Variants in RTCB observed in about 807,000 individuals in gnomAD.
RTCB encodes RNA-splicing ligase RTCB.
In RTCB, 32 loss-of-function variants were observed where a neutral mutation model predicts 58.2. The ratio of observed to expected loss-of-function variants is 0.55; its 90% CI spans 0.41 to 0.74. The LOEUF (loss-of-function observed/expected upper bound fraction) is 0.74, where lower values mean the gene tolerates loss of function less well. RTCB is among the 30% of genes least tolerant of loss of function. RTCB has a pLI of 0.00. For synonymous variants in RTCB, 247 were observed against 218.6 expected (o/e 1.13, Z -1.15); for missense variants, 523 against 639.0 (o/e 0.82, Z 1.96).
intron 11 of RTCB, among the ~76,000 whole-genome samples, chr22:32,389,463 G>A (rs1933115792): frequency 6.6e-6 from 1 of 152,144 alleles, no homozygotes. Flanking sequence ...CTACAGGCAT[G>A]TGCCACTGTG....
chr22:32,408,683 T>C, intron 2 of RTCB, 72 bp downstream of exon 2: 1 of 1,083,840 alleles, frequency 9.2e-7, no homozygotes, highest in Non-Finnish European at 1.4e-6. Flanking sequence ...TATAATTATT[T>C]GAGTTGCCAC....
At chr22:32,409,710 C>T (rs373154949) in intron 1 of RTCB, among the ~76,000 whole-genome samples, 2 of 152,106 alleles carry the variant, frequency 1.3e-5, no homozygotes, top group Admixed American at 6.6e-5. Context: ...CAAACATTAA[C>T]TGAGGATTTA....
intron 11 of RTCB, 105 bp from the exon 12 acceptor site, chr22:32,388,204 G>T: frequency 1.5e-6 from 1 of 663,708 alleles, no homozygotes; most frequent in Non-Finnish European, 2.5e-6. Flanking sequence ...AAATAATACA[G>T]AGAGTTTTTT....
intron 5 of RTCB, 77 bp from the exon 6 acceptor site, chr22:32,399,836 G>A (rs1200587692): frequency 7.4e-7 from 1 of 1,358,534 alleles, no homozygotes; most frequent in Non-Finnish European, 1.0e-6. Context: ...ATCCTTAAAG[G>A]GCAGAGAAAA....
chr22:32,398,364 A>T (rs1933279974), intron 6 of RTCB, among the ~76,000 whole-genome samples: 1 of 152,188 alleles, frequency 6.6e-6, no homozygotes, highest in African/African-American at 2.4e-5. Context: ...ACAGAAAACC[A>T]AACACCACGG....
In RTCB at chr22:32,410,038, G is replaced by A. The variant is rs186315917; in HGVS notation, c.94-1205C>T. On this transcript the variant is annotated intron_variant, in intron 1 of 11. Transcript: ENST00000216038. ...TTCACGTGTTAGCCAGGATGGTCTC[G>A]ATCTCCTGACCTCATGATCCGCCCA... 3.9e-3 allele frequency among the ~76,000 whole-genome samples: 599 copies of A among 152,168 alleles called. 7 individuals carry two copies. The highest frequency in any genetic ancestry group is 0.013 in the African/African-American group (542 of 41,494).
intron 1 of RTCB, 101 bp downstream of exon 1, chr22:32,411,963 G>A (rs879818335): frequency 3.6e-6 from 3 of 830,224 alleles, no homozygotes; most frequent in East Asian, 2.7e-5. Context: ...CAAGGGGCCG[G>A]GGCGGACCCA....
chr22:32,402,000 T>C (rs1933343890), intron 4 of RTCB, 97 bp from the exon 5 acceptor site: 2 of 1,248,228 alleles, frequency 1.6e-6, no homozygotes, highest in Admixed American at 4.8e-5. Flanking sequence ...ACCCATTCTT[T>C]TAAAGATAAC....
chr22:32,402,115 G>C (rs776054072), intron 4 of RTCB, among the ~76,000 whole-genome samples: 10 of 152,134 alleles, frequency 6.6e-5, no homozygotes, highest in Non-Finnish European at 1.3e-4. Context: ...ATGGACAAGG[G>C]AGGCAGCAAT....
chr22:32,397,590 G>C (rs1233908850), intron 7 of RTCB, among the ~76,000 whole-genome samples: 1 of 152,120 alleles, frequency 6.6e-6, no homozygotes, highest in South Asian at 2.1e-4. Context: ...CCAAATGAAA[G>C]CCTATTTCAT....
At chr22:32,392,165 G>C (rs1170420195) in intron 11 of RTCB, 75 bp downstream of exon 11, 2 of 1,450,152 alleles carry the variant, frequency 1.4e-6, no homozygotes, top group African/African-American at 2.9e-5. Context: ...ACCCTAAATT[G>C]CTGTCTCTGT....
At position 32,387,680 on chromosome 22, in the gene RTCB, C is replaced by G. The variant is rs1230423254; in HGVS notation, c.*312G>C. The G allele has an allele frequency of 4.0e-6, 1 of 249,348 alleles. No individual in the cohort carries two copies. Among genetic ancestry groups the G allele is most frequent in the Non-Finnish European group, 7.8e-6 (1 of 128,562 alleles). The allele number at this position is 249,348 out of a possible 1,614,324, so 15.4% of individuals were successfully genotyped here. A position where few individuals can be genotyped will look rare whatever the true frequency, so the allele number is the denominator to read the frequency against. On this transcript the variant is annotated 3_prime_UTR_variant, in exon 12 of 12. Transcript: ENST00000216038. Reference sequence around the variant, plus strand: ...GAAGATCAATCTGATGGCTAAAGATCAGTATGACTGCGTAAGGCAGTTTGA... The same window carrying G: ...GAAGATCAATCTGATGGCTAAAGATGAGTATGACTGCGTAAGGCAGTTTGA...
intron 5 of RTCB, 31 bp from the exon 6 acceptor site, chr22:32,399,790 C>G: frequency 6.3e-7 from 1 of 1,597,954 alleles, no homozygotes; most frequent in Non-Finnish European, 8.5e-7. Context: ...CTAGTCATCT[C>G]ACAGCAAAGG....
At chr22:32,401,139 G>A (rs1933329334) in intron 5 of RTCB, among the ~76,000 whole-genome samples, 1 of 147,066 alleles carries the variant, frequency 6.8e-6, no homozygotes. Flanking sequence ...TGTTGCCCAC[G>A]CTGGGGTGCA....
chr22:32,407,501 C>T (rs1003748181), intron 3 of RTCB: 1 of 152,418 alleles, frequency 6.6e-6, no homozygotes, highest in East Asian at 1.9e-4. Flanking sequence ...GCCATTTCTT[C>T]TTCAATGATC....
chr22:32,412,168 CTG>C lies in RTCB; in HGVS notation c.-14_-13del. On this transcript the variant is annotated 5_prime_UTR_variant, in exon 1 of 12. Coordinates refer to ENST00000216038, the MANE Select transcript of RTCB (RefSeq NM_014306.5). ...TAGCTGCGACTCATGGTGGCGAAAACTGTAGCAAAAACTCCCGGCTCCGCTTT... is the reference window on the plus strand; with the variant it reads ...TAGCTGCGACTCATGGTGGCGAAAACTAGCAAAAACTCCCGGCTCCGCTTT... 6.3e-7 allele frequency: 1 copy of C among 1,582,030 alleles called. No homozygotes were observed. The highest frequency in any genetic ancestry group is 8.6e-7 in the Non-Finnish European group (1 of 1,165,948).
At chr22:32,389,859 A>G (rs1162268678) in intron 11 of RTCB, among the ~76,000 whole-genome samples, 4 of 152,164 alleles carry the variant, frequency 2.6e-5, no homozygotes, top group Admixed American at 6.5e-5. Flanking sequence ...TCAGAGTAAA[A>G]GCAAAAGTCC....
At chr22:32,393,566 T>C (rs1933192426) in intron 10 of RTCB, among the ~76,000 whole-genome samples, 1 of 152,174 alleles carries the variant, frequency 6.6e-6, no homozygotes, top group Non-Finnish European at 1.5e-5. Context: ...AGATCAACTG[T>C]GATATTTGCA....
At chr22:32,401,632 C>A (rs1224584342) in intron 5 of RTCB, 115 bp downstream of exon 5, 4 of 1,187,418 alleles carry the variant, frequency 3.4e-6, no homozygotes, top group South Asian at 1.7e-5. Flanking sequence ...CTTACTACTT[C>A]CTGAAAAGTA....
Sources: gnomAD v4.1 joint callset for allele counts (sites outside exome capture counted in the v4.1 genomes callset) on GRCh38, gnomAD v4.1.1 for gene constraint, MANE v1.5 for transcripts, NCBI Gene and HGNC (gene_info 2026-07-23, HGNC 2026-07-21) for gene names.